Variants in TARBP1 observed in about 807,000 individuals in gnomAD.
TARBP1 encodes the protein tRNA (guanosine(18)-2'-O)-methyltransferase TARBP1.
A neutral mutation model predicts 178.6 loss-of-function variants in TARBP1; 144 were observed. That is an observed-to-expected ratio of 0.81 (90% CI 0.70 to 0.93). The LOEUF (loss-of-function observed/expected upper bound fraction) is 0.93. TARBP1 is among the 40% of genes least tolerant of loss of function. TARBP1 has a pLI of 0.00. For missense variants in TARBP1, 2,067 were observed against 2,011.7 expected (o/e 1.03, Z -0.53); for synonymous variants, 787 against 781.0 (o/e 1.01, Z -0.13).
intron 24 of TARBP1, 80 bp from the exon 25 acceptor site, chr1:234,401,342 G>C: frequency 9.1e-7 from 1 of 1,095,858 alleles, no homozygotes; most frequent in Non-Finnish European, 1.4e-6. Flanking sequence ...GTATCTTAAA[G>C]GGTGGCTGCA....
At position 234,478,964 on chromosome 1, in the gene TARBP1, T is replaced by C; in HGVS notation, c.140A>G (p.Glu47Gly). ...RFLLQRLEDE[E>G]ARGSGGAGAL... ...GCCTGCGCCCCCGCTGCCGCGCGCC[T>C]CCTCGTCCTCGAGCCGCTGCAGAAG... Residue 47 changes from glutamate (E) to glycine (G), a missense_variant, in exon 1 of 30, where the codon GAG (glutamate) becomes GGG (glycine). Physicochemically the swap from Glu to Gly is moderately conservative, Grantham distance 98. Transcript: ENST00000040877. The C allele has an allele frequency of 1.4e-6, 2 of 1,467,160 alleles. No individual in the cohort carries two copies. Among genetic ancestry groups the C allele is most frequent in the Non-Finnish European group, 1.8e-6 (2 of 1,118,330 alleles). 90.9% of individuals were successfully genotyped at this position (1,467,160 alleles called of 1,614,324 possible).
At position 234,471,190 on chromosome 1, in the gene TARBP1, T is replaced by C. The variant is rs1370011481; in HGVS notation, c.1097A>G (p.Asn366Ser). ...AATAAAATAAAAGTAATCGTTACCATTTTCCTCTGACACCGCATATTCAAA... is the reference window on the plus strand; with the variant it reads ...AATAAAATAAAAGTAATCGTTACCACTTTCCTCTGACACCGCATATTCAAA... ...NLFEYAVSEE[N>S]GCWLFHPSWH... is the part of the protein sequence containing the mutation. Residue 366 changes from asparagine to serine, a missense_variant and splice_region_variant, in exon 3 of 30, where the codon AAT becomes AGT. Physicochemically the swap from Asn to Ser is conservative, Grantham distance 46 (BLOSUM62 1). Coordinates refer to ENST00000040877, the MANE Select transcript of TARBP1 (RefSeq NM_005646.4). The C allele has an allele frequency of 6.3e-7, 1 of 1,590,958 alleles. No individual in the cohort carries two copies. The highest frequency in any genetic ancestry group is 1.2e-5 in the South Asian group (1 of 85,846).
intron 12 of TARBP1, among the ~76,000 whole-genome samples, chr1:234,445,491 G>C (rs921523586): frequency 6.6e-6 from 1 of 152,156 alleles, no homozygotes; most frequent in African/African-American, 2.4e-5. Flanking sequence ...AACTTTGGGA[G>C]GTGAAGGATA....
chr1:234,451,766 A>AAAAAAAAAAAAAAAAAAAAAAAAAAC (rs57636903), intron 9 of TARBP1, among the ~76,000 whole-genome samples: 2 of 17,166 alleles, frequency 1.2e-4, no homozygotes, highest in Admixed American at 1.2e-3. Flanking sequence ...AAAAAAAAAA[A>AAAAAAAAAAAAAAAAAAAAAAAAAAC]TGATGAATGA....
chr1:234,431,889 G>A (rs1335872173), intron 14 of TARBP1, among the ~76,000 whole-genome samples: 1 of 152,154 alleles, frequency 6.6e-6, no homozygotes, highest in Non-Finnish European at 1.5e-5. Context: ...TGTAATCCCA[G>A]CACTTTGGGA....
At chr1:234,454,974 A>G (rs1558233752) in intron 9 of TARBP1, among the ~76,000 whole-genome samples, 1 of 152,232 alleles carries the variant, frequency 6.6e-6, no homozygotes, top group African/African-American at 2.4e-5. Flanking sequence ...AGAAGAGAAG[A>G]ATGTGATATG....
At chr1:234,418,506 G>C (rs1662691919) in intron 21 of TARBP1, among the ~76,000 whole-genome samples, 1 of 152,206 alleles carries the variant, frequency 6.6e-6, no homozygotes, top group Admixed American at 6.5e-5. Context: ...ACTCAGAAAA[G>C]CTGAATAACC....
chr1:234,456,008 G>A (rs771365331), intron 9 of TARBP1, among the ~76,000 whole-genome samples: 32 of 152,262 alleles, frequency 2.1e-4, no homozygotes, highest in South Asian at 8.3e-4. Context: ...CTACCAAAGT[G>A]GCAAAGAATT....
rs1661694828 is a variant in TARBP1, at chr1:234,410,521, T to G, written c.3716A>C (p.Asn1239Thr). ...FWDCFSYGEE[N>T]LKTSICTFLA... Reference sequence around the variant, plus strand: ...AAACGTACAAATGCTTGTTTTAAGATTTTCTTCACCCTGAAAAAATAATCA... The same window carrying G: ...AAACGTACAAATGCTTGTTTTAAGAGTTTCTTCACCCTGAAAAAATAATCA... The change falls in exon 23 of 30, where the codon AAT becomes ACT. Residue 1239 changes from asparagine to threonine, a missense_variant. Physicochemically the swap from Asn to Thr is moderately conservative, Grantham distance 65. Transcript: ENST00000040877. The G allele has an allele frequency of 2.6e-6, 4 of 1,511,114 alleles. No individual in the cohort carries two copies. In the African/African-American group the frequency reaches 4.1e-5, roughly 16 times the overall value. 93.6% of individuals were successfully genotyped at this position (1,511,114 alleles called of 1,614,324 possible). A position where few individuals can be genotyped will look rare whatever the true frequency, so the allele number is the denominator to read the frequency against.
At chr1:234,448,693 T>A in intron 10 of TARBP1, 114 bp from the exon 11 acceptor site, 1 of 718,880 alleles carries the variant, frequency 1.4e-6, no homozygotes, top group Non-Finnish European at 2.3e-6. Flanking sequence ...ATGAGAGAAA[T>A]ACAACCGAGA....
chr1:234,450,909 C>T (rs966386943), intron 9 of TARBP1, among the ~76,000 whole-genome samples: 5 of 152,042 alleles, frequency 3.3e-5, no homozygotes, highest in Non-Finnish European at 5.9e-5. Context: ...ATAAAATGTA[C>T]ACTTTAATGA....
At chr1:234,412,674 T>A (rs988809803) in intron 22 of TARBP1, among the ~76,000 whole-genome samples, 40 of 151,716 alleles carry the variant, frequency 2.6e-4, no homozygotes, top group African/African-American at 9.2e-4. Context: ...AGAAGACACA[T>A]GAACTGAGAT....
intron 1 of TARBP1, among the ~76,000 whole-genome samples, chr1:234,473,097 G>A (rs980530777): frequency 2.0e-5 from 3 of 152,010 alleles, no homozygotes; most frequent in African/African-American, 4.8e-5. Flanking sequence ...GATTTTTCAA[G>A]GGCAAAACCC....
At chr1:234,440,013 T>C (rs1042074510) in intron 12 of TARBP1, among the ~76,000 whole-genome samples, 1 of 152,064 alleles carries the variant, frequency 6.6e-6, no homozygotes, top group Non-Finnish European at 1.5e-5. Flanking sequence ...CTTAAAACAA[T>C]TTTAAAAACT....
intron 13 of TARBP1, among the ~76,000 whole-genome samples, chr1:234,434,415 G>A (rs1282246214): frequency 6.6e-6 from 1 of 152,184 alleles, no homozygotes; most frequent in Non-Finnish European, 1.5e-5. Flanking sequence ...CACTTTGCCA[G>A]GTGCTGGGAT....
Position 234,478,395 on chromosome 1 carries a change from C to A in TARBP1, c.709G>T (p.Ala237Ser). 7.4e-7 allele frequency: 1 copy of A among 1,355,898 alleles called. No individual in the cohort carries two copies. Among genetic ancestry groups the A allele is most frequent in the South Asian group, 1.6e-5 (1 of 62,086 alleles). The allele number at this position is 1,355,898 out of a possible 1,614,324, so 84.0% of individuals were successfully genotyped here. A position where few individuals can be genotyped will look rare whatever the true frequency, so the allele number is the denominator to read the frequency against. Reference protein sequence around the residue: ...EEKLLVLSALAEKLLPEPGGD... With the variant: ...EEKLLVLSALSEKLLPEPGGD... ...CCGGGCTCGGGCAACAGCTTCTCGG[C>A]CAGGGCGCTCAGGACCAGCAGCTTC... The change falls in exon 1 of 30, where the codon GCC becomes TCC. Residue 237 changes from alanine to serine, a missense_variant. Coordinates refer to ENST00000040877, the MANE Select transcript of TARBP1 (RefSeq NM_005646.4).
chr1:234,419,312 C>T (rs1662821539), intron 21 of TARBP1, among the ~76,000 whole-genome samples: 2 of 152,096 alleles, frequency 1.3e-5, no homozygotes, highest in Admixed American at 1.3e-4. Flanking sequence ...ATTTTAAGCC[C>T]TGAGATAGTG....
intron 12 of TARBP1, among the ~76,000 whole-genome samples, chr1:234,441,725 C>T (rs558960381): frequency 6.6e-6 from 1 of 152,296 alleles, no homozygotes; most frequent in African/African-American, 2.4e-5. Context: ...TATTTTCTCC[C>T]TGCCCTAAGC....
At chr1:234,430,728 AT>A (rs1460995820) in intron 14 of TARBP1, among the ~76,000 whole-genome samples, 1 of 150,820 alleles carries the variant, frequency 6.6e-6, no homozygotes, top group Non-Finnish European at 1.5e-5. Context: ...AAAAAAAAAA[AT>A]AAAAGGCTCC....
Sources: gnomAD v4.1 joint callset for allele counts (sites outside exome capture counted in the v4.1 genomes callset) on GRCh38, gnomAD v4.1.1 for gene constraint, MANE v1.5 for transcripts, NCBI Gene and HGNC (gene_info 2026-07-23, HGNC 2026-07-21) for gene names.